SSB: variants seen among roughly 807,000 people sequenced by gnomAD.
SSB encodes lupus La protein.
A neutral mutation model predicts 52.9 loss-of-function variants in SSB; 17 were observed. The observed-to-expected ratio is 0.32, with a 90% CI of 0.22 to 0.48. SSB has a LOEUF of 0.48. SSB is among the 20% of genes least tolerant of loss of function. The pLI is 0.99. For missense variants in SSB, 314 were observed against 463.6 expected (o/e 0.68, Z 2.96); for synonymous variants, 111 against 152.1 (o/e 0.73, Z 1.99).
chr2:169,803,104 C>G (rs564606179), intron 2 of SSB, among the ~76,000 whole-genome samples: 1 of 152,232 alleles, frequency 6.6e-6, no homozygotes, highest in African/African-American at 2.4e-5. Flanking sequence ...ATGGCTAGTT[C>G]TCTGTGTTCA....
intron 2 of SSB, among the ~76,000 whole-genome samples, chr2:169,804,962 C>T (rs1558970386): frequency 6.6e-6 from 1 of 152,078 alleles, no homozygotes; most frequent in African/African-American, 2.4e-5. Context: ...AACCCTGTCT[C>T]TACTAAAAAT....
rs1170235931 is a variant in SSB at position 169,808,547 on chromosome 2, C to G, written c.620C>G (p.Ala207Gly). 1.2e-6 allele frequency: 2 copies of G among 1,609,174 alleles called. No individual in the cohort carries two copies. Among genetic ancestry groups the G allele is most frequent in the Non-Finnish European group, 1.7e-6 (2 of 1,175,968 alleles). Residue 207 changes from alanine to glycine, a missense_variant, in exon 7 of 12, where the codon GCT becomes GGT. Physicochemically the swap from Ala to Gly is moderately conservative, Grantham distance 60. Coordinates refer to ENST00000260956, the MANE Select transcript of SSB (RefSeq NM_003142.5). ...AATAAAGTGGAAGCTAAATTAAGAG[C>G]TAAACAGTAAGTATGTTGAACTAAT... ...KQNKVEAKLR[A>G]KQEQEAKQKL...
At chr2:169,803,386 A>G (rs1160869607) in intron 2 of SSB, among the ~76,000 whole-genome samples, 1 of 151,900 alleles carries the variant, frequency 6.6e-6, no homozygotes, top group Non-Finnish European at 1.5e-5. Context: ...AGTAGCTAGG[A>G]TTATAGGTGC....
chr2:169,810,890 A>G lies in SSB; in HGVS notation c.843A>G (p.Glu281=). 3 of 1,611,448 alleles carry G rather than the reference A, an allele frequency of 1.9e-6. No individual in the cohort carries two copies. The highest frequency in any genetic ancestry group is 2.5e-6 in the Non-Finnish European group (3 of 1,179,224). Residue 281 remains glutamate, a synonymous_variant, in exon 10 of 12, where the codon GAA becomes GAG. Transcript: ENST00000260956. ...GIILFKEKAK[E]ALGKAKDANN... is the part of the protein sequence containing the mutation. ...TTCTATTTAAAGAAAAAGCCAAGGAAGCATTGGGTAAAGCCAAAGATGCAA... is the reference window on the plus strand; with the variant it reads ...TTCTATTTAAAGAAAAAGCCAAGGAGGCATTGGGTAAAGCCAAAGATGCAA...
rs1490482947 is a variant in SSB at position 169,811,978 on chromosome 2, A to G, written c.*222A>G. 3 of 1,165,690 alleles carry G rather than the reference A, an allele frequency of 2.6e-6. No homozygotes were observed. The highest frequency in any genetic ancestry group is 2.4e-6 in the Non-Finnish European group (2 of 819,518). The allele number at this position is 1,165,690 out of a possible 1,614,324, so 72.2% of individuals were successfully genotyped here. A position where few individuals can be genotyped will look rare whatever the true frequency, so the allele number is the denominator to read the frequency against. On this transcript the variant is annotated 3_prime_UTR_variant, in exon 12 of 12. Coordinates refer to ENST00000260956, the MANE Select transcript of SSB (RefSeq NM_003142.5). The stretch of plus-strand genomic sequence containing the variant: ...AGATGATTCAAATATCAAAAGGAAG[A>G]TTCTTCCATTAAATTGCCTTTGTAA...
chr2:169,810,456 A>G (rs1461237058), intron 9 of SSB, 33 bp downstream of exon 9: 18 of 1,559,360 alleles, frequency 1.2e-5, no homozygotes, highest in Non-Finnish European at 1.6e-5. Context: ...TTTAGCAATC[A>G]GTTTGAAAAT....
intron 7 of SSB, 81 bp from the exon 8 acceptor site, chr2:169,808,779 T>C (rs921971647): frequency 4.9e-6 from 6 of 1,228,204 alleles, no homozygotes; most frequent in Non-Finnish European, 5.8e-6. Context: ...AGTTTAGTGA[T>C]CATGATTGGT....
At chr2:169,808,715 A>G (rs1438926805) in intron 7 of SSB, 145 bp from the exon 8 acceptor site, 1 of 965,354 alleles carries the variant, frequency 1.0e-6, no homozygotes, top group Non-Finnish European at 1.6e-6. Context: ...ATTGCATTGC[A>G]GTCTAGCATT....
chr2:169,811,807 G>A lies in SSB; in HGVS notation c.*51G>A. 6.2e-7 allele frequency: 1 copy of A among 1,613,648 alleles called. No individual in the cohort carries two copies. Among genetic ancestry groups the A allele is most frequent in the Non-Finnish European group, 8.5e-7 (1 of 1,179,778 alleles). ...TTTAAATAGGTTTTAAACGACTTTTGTTTGCGGGGCTTTTAAAAGGAAAAC... is the reference window on the plus strand; with the variant it reads ...TTTAAATAGGTTTTAAACGACTTTTATTTGCGGGGCTTTTAAAAGGAAAAC... On this transcript the variant is annotated 3_prime_UTR_variant, in exon 12 of 12. Transcript: ENST00000260956.
At chr2:169,809,136 T>C in intron 8 of SSB, 2 of 501,250 alleles carry the variant, frequency 4.0e-6, no homozygotes, top group Middle Eastern at 1.0e-3. Context: ...ATCCCAGCAC[T>C]TTGGAAGGCC....
intron 6 of SSB, 94 bp downstream of exon 6, chr2:169,807,165 A>G (rs894726884): frequency 1.7e-5 from 16 of 930,286 alleles, no homozygotes; most frequent in South Asian, 9.1e-5. Context: ...TGAAAGGCCA[A>G]TATTCTTAGT....
chr2:169,805,189 C>G (rs895478840), intron 2 of SSB, among the ~76,000 whole-genome samples: 4 of 152,268 alleles, frequency 2.6e-5, no homozygotes, highest in East Asian at 1.9e-4. Context: ...ATTTAACCAT[C>G]TGTTCTTTCC....
Position 169,810,438 on chromosome 2 carries a change from C to T in SSB, c.810+15C>T, listed in dbSNP as rs1483749232. On this transcript the variant is annotated intron_variant, in intron 9 of 11. Transcript: ENST00000260956. ...GAGCAAAAGAGGTTTGGATACATCC[C>T]TATCCTTTTTAGCAATCAGTTTGAA... The T allele has an allele frequency of 5.7e-6, 9 of 1,578,756 alleles. No homozygotes were observed. The highest frequency in any genetic ancestry group is 6.8e-6 in the Non-Finnish European group (8 of 1,168,532).
intron 1 of SSB, among the ~76,000 whole-genome samples, chr2:169,800,534 CAAA>C (rs59743225): frequency 1.4e-4 from 11 of 78,280 alleles, no homozygotes; most frequent in South Asian, 8.9e-4. Context: ...GACTCCGTCT[CAAA>C]AAAAAAAAAA....
At chr2:169,807,613 TTA>T (rs1689854921) in intron 6 of SSB, among the ~76,000 whole-genome samples, 1 of 152,158 alleles carries the variant, frequency 6.6e-6, no homozygotes. Context: ...TTAAAGGAGG[TTA>T]TGTTTTAATA....
chr2:169,811,166 CA>C lies in SSB; in HGVS notation c.998-15del. On this transcript the variant is annotated splice_polypyrimidine_tract_variant and intron_variant, in intron 10 of 11. Coordinates refer to ENST00000260956, the MANE Select transcript of SSB (RefSeq NM_003142.5). ...TAAAAAAAGTTCTTTACAGAGTGCTCAATTGTGTCTCTACAGGTCGTAGATT... is the reference window on the plus strand; with the variant it reads ...TAAAAAAAGTTCTTTACAGAGTGCTCATTGTGTCTCTACAGGTCGTAGATT... 6.2e-7 allele frequency: 1 copy of C among 1,603,544 alleles called. No individual in the cohort carries two copies.
intron 2 of SSB, among the ~76,000 whole-genome samples, chr2:169,805,132 A>G (rs1020078089): frequency 2.0e-5 from 3 of 152,160 alleles, no homozygotes; most frequent in Non-Finnish European, 4.4e-5. Flanking sequence ...TCTGTCTCAA[A>G]AAAAAATAAG....
intron 4 of SSB, chr2:169,806,543 A>G: frequency 2.8e-6 from 1 of 356,732 alleles, no homozygotes; most frequent in South Asian, 6.4e-5. Flanking sequence ...AGAACATGCA[A>G]ATCATCTTGT....
At chr2:169,811,082 T>C in intron 10 of SSB, 38 bp downstream of exon 10, 1 of 1,598,824 alleles carries the variant, frequency 6.3e-7, no homozygotes, top group Non-Finnish European at 8.5e-7. Flanking sequence ...GTTTGGTTGT[T>C]GAACCCATTT....
Sources: allele counts gnomAD v4.1 joint callset (sites outside exome capture counted in the v4.1 genomes callset), GRCh38; gene constraint gnomAD v4.1.1; transcripts MANE v1.5; gene names NCBI Gene and HGNC (gene_info 2026-07-23, HGNC 2026-07-21).